The following EVPLL variants were observed in gnomAD, a reference collection of about 807,000 sequenced individuals.
EVPLL encodes the protein envoplakin like.
Under a neutral mutation model 46.2 loss-of-function variants are expected in EVPLL, and 39 were observed. The ratio of observed to expected loss-of-function variants is 0.84; its 90% CI spans 0.65 to 1.10. The LOEUF is 1.10. EVPLL is among the 50% of genes least tolerant of loss of function. EVPLL has a pLI of 0.00. For synonymous variants in EVPLL, 156 were observed against 165.8 expected (o/e 0.94, Z 0.46); for missense variants, 385 against 412.6 (o/e 0.93, Z 0.58).
Position 18,380,900 on chromosome 17 carries a change from A to G in EVPLL, c.-36-2A>G. The G allele has an allele frequency of 6.4e-7, 1 of 1,566,504 alleles. No homozygotes were observed. The highest frequency in any genetic ancestry group is 1.2e-5 in the South Asian group (1 of 84,674). ...TGCCCACTGTCCCCTCCACCCACCA[A>G]GAATGCCACCCAGGAGCTGACCCTG... On this transcript the variant is annotated splice_acceptor_variant, in intron 1 of 10. Transcript: ENST00000399134. LOFTEE classifies it low-confidence loss of function (5UTR_SPLICE).
chr17:18,383,053 TG>T lies in EVPLL; in HGVS notation c.543del (p.Gln182SerfsTer13). On this transcript the variant is annotated frameshift_variant, in exon 7 of 11. Coordinates refer to ENST00000399134, the MANE Select transcript of EVPLL (RefSeq NM_001145127.2). LOFTEE classifies it high-confidence loss of function. ...EGGVVARAEP[G>X]QPVHALQGCT... ...GCGGCGTCGTGGCGCGGGCAGAGCC[TG>T]GGCAGCCTGTACACGCACTGCAGGG... The T allele has an allele frequency of 6.4e-7, 1 of 1,560,106 alleles. No individual in the cohort carries two copies. The highest frequency in any genetic ancestry group is 1.2e-5 in the South Asian group (1 of 86,248).
At position 18,381,323 on chromosome 17, in the gene EVPLL, G is replaced by A; in HGVS notation, c.64-44G>A. Reference sequence around the variant, plus strand: ...CCACAATGATGGGCAGCAGGGGTGTGGGGGCTCTGGACCCTGGCAAGTCTG... The same window carrying A: ...CCACAATGATGGGCAGCAGGGGTGTAGGGGCTCTGGACCCTGGCAAGTCTG... On this transcript the variant is annotated intron_variant, in intron 2 of 10. Transcript: ENST00000399134. This position sits in a 1 kb window ranked among gnomAD's most constrained non-coding sequence, Gnocchi z 4.2. 6.6e-7 allele frequency: 1 copy of A among 1,509,976 alleles called. No individual in the cohort carries two copies. Among genetic ancestry groups the A allele is most frequent in the Non-Finnish European group, 8.9e-7 (1 of 1,124,898 alleles). The allele number at this position is 1,509,976 out of a possible 1,614,324, so 93.5% of individuals were successfully genotyped here.
At chr17:18,382,065 A>C in intron 4 of EVPLL, 1 of 418,018 alleles carries the variant, frequency 2.4e-6, no homozygotes, top group East Asian at 4.7e-5. Flanking sequence ...GAGCCAGGAC[A>C]TGGGGCATTC....
chr17:18,378,139 C>T (rs1987442408), intron 1 of EVPLL, among the ~76,000 whole-genome samples, 156 bp downstream of exon 1: 1 of 152,224 alleles, frequency 6.6e-6, no homozygotes. Flanking sequence ...TGGACTCTCT[C>T]CCTGCCTTGG....
At position 18,381,644 on chromosome 17, in the gene EVPLL, A is replaced by G; in HGVS notation, c.260A>G (p.Glu87Gly). Reference protein sequence around the residue: ...LHERVTQECAEYCALYEKMVL... With the variant: ...LHERVTQECAGYCALYEKMVL... ...GAGCGGGTGACCCAGGAGTGTGCGG[A>G]GTACTGTGCCCTGTACGAGAAGATG... The change falls in exon 4 of 11, where the codon GAG becomes GGG. Residue 87 changes from glutamate to glycine, a missense_variant. Physicochemically the swap from Glu to Gly is moderately conservative, Grantham distance 98. Transcript: ENST00000399134. The surrounding 1 kb of genome is among the most constrained non-coding windows in gnomAD (Gnocchi z 4.2). 6.2e-7 allele frequency: 1 copy of G among 1,614,154 alleles called. No homozygotes were observed. The highest frequency in any genetic ancestry group is 8.5e-7 in the Non-Finnish European group (1 of 1,180,026).
chr17:18,377,922 G>GGGTC lies in EVPLL; in HGVS notation c.-97_-94dup, dbSNP rs1987434235. On this transcript the variant is annotated 5_prime_UTR_variant, in exon 1 of 11. An upstream open reading frame in the 5' UTR loses its in-frame stop. Transcript: ENST00000399134. The stretch of plus-strand genomic sequence containing the variant: ...ACTGAGCAAAGGCTCCCAGGGGAAG[G>GGGTC]GGTCCCCCAAGGACTCCCCAGCCAA... 8.0e-6 allele frequency: 9 copies of GGGTC among 1,131,140 alleles called. No homozygotes were observed. The highest frequency in any genetic ancestry group is 3.3e-5 in the South Asian group (2 of 60,612). 70.1% of individuals were successfully genotyped at this position (1,131,140 alleles called of 1,614,324 possible). A position where few individuals can be genotyped will look rare whatever the true frequency, so the allele number is the denominator to read the frequency against.
intron 1 of EVPLL, 113 bp downstream of exon 1, chr17:18,378,096 C>T (rs1987441186): frequency 2.6e-6 from 1 of 380,676 alleles, no homozygotes; most frequent in Non-Finnish European, 4.6e-6. Flanking sequence ...CCCGTGCTGG[C>T]ATTTGGTGTC....
At chr17:18,382,446 A>G in intron 4 of EVPLL, 67 bp from the exon 5 acceptor site, 1 of 1,539,154 alleles carries the variant, frequency 6.5e-7, no homozygotes, top group Non-Finnish European at 8.8e-7. Flanking sequence ...TCCGGGTGGG[A>G]GACGTGTGGG....
At chr17:18,378,832 C>A (rs1987467982) in intron 1 of EVPLL, among the ~76,000 whole-genome samples, 1 of 150,884 alleles carries the variant, frequency 6.6e-6, no homozygotes, top group Admixed American at 6.6e-5. Context: ...AATCCTACCA[C>A]TTTGGGAGGC....
At chr17:18,382,236 G>A in intron 4 of EVPLL, 1 of 399,918 alleles carries the variant, frequency 2.5e-6, no homozygotes, top group Non-Finnish European at 4.7e-6. Context: ...CTGGGTCACA[G>A]ACAAGGCAGG....
chr17:18,383,083 C>T lies in EVPLL; in HGVS notation c.570C>T (p.Cys190=), dbSNP rs1488985792. 6.4e-7 allele frequency: 1 copy of T among 1,553,386 alleles called. No homozygotes were observed. ...AGCCTGTACACGCACTGCAGGGCTG[C>T]ACGTGGCAGCTGAGCGCCCTGGCGG... ...PGQPVHALQG[C]TWQLSALAEQ... is the part of the protein sequence containing the mutation. The change falls in exon 7 of 11, where the codon TGC becomes TGT. Residue 190 remains cysteine (C), a synonymous_variant. Coordinates refer to ENST00000399134, the MANE Select transcript of EVPLL (RefSeq NM_001145127.2).
intron 4 of EVPLL, chr17:18,382,257 A>T (rs1477859219): frequency 4.7e-6 from 2 of 425,666 alleles, no homozygotes; most frequent in Admixed American, 7.1e-5. Flanking sequence ...ATGGAGCTGG[A>T]GACTTCTGAG....
intron 9 of EVPLL, chr17:18,383,821 A>G: frequency 2.0e-6 from 1 of 498,030 alleles, no homozygotes; most frequent in Non-Finnish European, 3.6e-6. Context: ...AAAAATACCA[A>G]AATTAGCTAG....
chr17:18,383,408 G>C (rs1459452892), intron 8 of EVPLL, 30 bp downstream of exon 8: 1 of 1,550,188 alleles, frequency 6.5e-7, no homozygotes, highest in South Asian at 1.2e-5. Flanking sequence ...AGAGTGAGAA[G>C]GGACGTGGTG....
Position 18,381,383 on chromosome 17 carries a change from A to T in EVPLL, c.80A>T (p.Glu27Val), listed in dbSNP as rs1987565128. ...KRLQQDRLNSEQSQALQHQQE... is the reference protein window; with the variant it reads ...KRLQQDRLNSVQSQALQHQQE... ...TGCCCACAGGACCGGCTGAACAGTG[A>T]GCAGAGCCAGGCCCTGCAGCACCAG... Residue 27 changes from glutamate to valine, a missense_variant, in exon 3 of 11, where the codon GAG becomes GTG. By Grantham distance (121) the Glu-to-Val change is moderately radical. Transcript: ENST00000399134. This position sits in a 1 kb window ranked among gnomAD's most constrained non-coding sequence, Gnocchi z 4.2. 1.3e-6 allele frequency: 2 copies of T among 1,576,974 alleles called. No homozygotes were observed. The highest frequency in any genetic ancestry group is 4.7e-5 in the East Asian group (2 of 42,218).
intron 1 of EVPLL, among the ~76,000 whole-genome samples, chr17:18,379,145 C>T (rs1466143449): frequency 6.6e-6 from 1 of 152,196 alleles, no homozygotes; most frequent in Non-Finnish European, 1.5e-5. Flanking sequence ...GGGCACTGGG[C>T]CTCCCTTGGA....
chr17:18,381,130 C>T lies in EVPLL; in HGVS notation c.63+130C>T. 2.4e-6 allele frequency: 3 copies of T among 1,248,814 alleles called. No homozygotes were observed. In the South Asian group the frequency reaches 4.2e-5, roughly 17 times the overall value. The allele number at this position is 1,248,814 out of a possible 1,614,324, so 77.4% of individuals were successfully genotyped here. ...TGGGACAGATGACATTTGTCCTGCA[C>T]CGCCTGTCCCCTAACACACGGTGGG... On this transcript the variant is annotated intron_variant, in intron 2 of 10. Transcript: ENST00000399134. This position sits in a 1 kb window ranked among gnomAD's most constrained non-coding sequence, Gnocchi z 4.2.
Position 18,383,167 on chromosome 17 carries a change from C to A in EVPLL, c.654C>A (p.Gly218=), listed in dbSNP as rs769541994. ...GCGACCTCATGGCCGACCCTGCGGG[C>A]GTGCGGCGGGAATACGAGGTCGGCT... The part of the protein sequence containing the change: ...DWSDLMADPA[G]VRREYEHFKQ... The change falls in exon 7 of 11, where the codon GGC becomes GGA. Residue 218 remains glycine, a synonymous_variant. Coordinates refer to ENST00000399134, the MANE Select transcript of EVPLL (RefSeq NM_001145127.2). The A allele has an allele frequency of 2.6e-6, 4 of 1,550,160 alleles. No individual in the cohort carries two copies. The African/African-American group carries it at 4.1e-5, about 16-fold the overall frequency.
At position 18,380,920 on chromosome 17, in the gene EVPLL, A is replaced by G. The variant is rs370420011; in HGVS notation, c.-18A>G. 4 of 1,580,186 alleles carry G rather than the reference A, an allele frequency of 2.5e-6. No individual in the cohort carries two copies. The highest frequency in any genetic ancestry group is 2.6e-6 in the Non-Finnish European group (3 of 1,164,134). ...CACCAAGAATGCCACCCAGGAGCTGACCCTGCTCATCTCCCACATGCAAGC... is the reference window on the plus strand; with the variant it reads ...CACCAAGAATGCCACCCAGGAGCTGGCCCTGCTCATCTCCCACATGCAAGC... On this transcript the variant is annotated 5_prime_UTR_variant, in exon 2 of 11. The change abolishes the stop of an existing upstream ORF in the 5' untranslated region. Transcript: ENST00000399134.
Sources: allele counts gnomAD v4.1 joint callset (sites outside exome capture counted in the v4.1 genomes callset), GRCh38; gene constraint gnomAD v4.1.1; non-coding constraint Gnocchi (gnomAD v3.1); transcripts MANE v1.5; gene names NCBI Gene and HGNC (gene_info 2026-07-23, HGNC 2026-07-21).